Variants in TMEM229B observed in about 807,000 individuals in gnomAD.
TMEM229B encodes the protein chromosome 14 open reading frame 83.
TMEM229B carries 6 observed loss-of-function variants against 13.7 expected under a neutral mutation model. The observed-to-expected ratio is 0.44, with a 90% confidence interval of 0.24 to 0.86. TMEM229B has a LOEUF of 0.86. Among genes scored for constraint, TMEM229B ranks in the 40% least tolerant of loss-of-function variants. The pLI is 0.23. For synonymous variants in TMEM229B, 107 were observed against 102.1 expected (o/e 1.05, Z -0.29); for missense variants, 170 against 236.0 (o/e 0.72, Z 1.83).
At chr14:67,494,966 A>T (rs1023366301) in intron 1 of TMEM229B, among the ~76,000 whole-genome samples, 6 of 152,244 alleles carry the variant, frequency 3.9e-5, no homozygotes, top group African/African-American at 1.4e-4. Context: ...TTTAAAATTA[A>T]ATAAAGCAAA....
upstream of TMEM229B, among the ~76,000 whole-genome samples, chr14:67,490,422 G>A (rs2032120927): frequency 6.6e-6 from 1 of 152,212 alleles, no homozygotes; most frequent in South Asian, 2.1e-4. Flanking sequence ...GGCATCAGGG[G>A]AGATACTGCA....
intron 2 of TMEM229B, among the ~76,000 whole-genome samples, chr14:67,485,794 G>A (rs1185597428): frequency 2.0e-5 from 3 of 152,238 alleles, no homozygotes; most frequent in African/African-American, 4.8e-5. Flanking sequence ...GTGCAGTTAG[G>A]AGCCTCTCAC....
intron 1 of TMEM229B, among the ~76,000 whole-genome samples, chr14:67,496,391 G>GTTTTT (rs555715850): frequency 0.22 from 6,762 of 30,090 alleles, 2,836 homozygotes; most frequent in Non-Finnish European, 0.29. Flanking sequence ...CTGCTCCGGC[G>GTTTTT]TTTTTTTTTT....
At chr14:67,519,613 A>G (rs951211752), upstream of TMEM229B, among the ~76,000 whole-genome samples, 1 of 152,190 alleles carries the variant, frequency 6.6e-6, no homozygotes, top group African/African-American at 2.4e-5. Flanking sequence ...TACTACAAGA[A>G]GGGAAAGGCT....
At chr14:67,483,003 C>CTTTTTTTG (rs1566678116) in intron 2 of TMEM229B, among the ~76,000 whole-genome samples, 1 of 152,106 alleles carries the variant, frequency 6.6e-6, no homozygotes, top group Non-Finnish European at 1.5e-5. Context: ...AGGCTACGTT[C>CTTTTTTTG]TTTTTTTGTT....
upstream of TMEM229B, among the ~76,000 whole-genome samples, chr14:67,492,937 T>C (rs991109458): frequency 6.6e-6 from 1 of 152,088 alleles, no homozygotes; most frequent in Non-Finnish European, 1.5e-5. Context: ...TAAGTTTTAA[T>C]ATTATGCCAT....
chr14:67,487,313 C>T (rs562430639), intron 1 of TMEM229B, 141 bp from the exon 2 acceptor site: 4 of 152,460 alleles, frequency 2.6e-5, no homozygotes, highest in African/African-American at 9.7e-5. Flanking sequence ...CGGAACCTAC[C>T]CCCTCCTCTT....
intron 1 of TMEM229B, among the ~76,000 whole-genome samples, chr14:67,530,424 C>G (rs1028075993): frequency 1.3e-5 from 2 of 152,072 alleles, no homozygotes; most frequent in Non-Finnish European, 2.9e-5. Flanking sequence ...TAGTGCTGTC[C>G]AAGGAACAAG....
upstream of TMEM229B, among the ~76,000 whole-genome samples, chr14:67,519,301 C>T (rs990647539): frequency 1.4e-4 from 22 of 152,148 alleles, no homozygotes; most frequent in African/African-American, 4.8e-4. Flanking sequence ...TCAGATGGCT[C>T]GCATATTTAA....
exon 1 of TMEM229B, chr14:67,533,656 G>T (rs1474783023): frequency 6.6e-6 from 1 of 152,172 alleles, no homozygotes; most frequent in East Asian, 1.9e-4. Flanking sequence ...GGATCGGTCA[G>T]ATCCAGCCGC....
At chr14:67,509,594 C>T (rs1280848405) in intron 1 of TMEM229B, among the ~76,000 whole-genome samples, 1 of 152,210 alleles carries the variant, frequency 6.6e-6, no homozygotes. Flanking sequence ...GCTGGGATTA[C>T]AGGCATGAGC....
chr14:67,474,574 G>A (rs2140038883), intron 2 of TMEM229B, among the ~76,000 whole-genome samples: 1 of 151,894 alleles, frequency 6.6e-6, no homozygotes, highest in Middle Eastern at 3.4e-3. Flanking sequence ...GTGTGTGCAT[G>A]CCATTTTTTA....
At chr14:67,516,182 A>C (rs987822481), upstream of TMEM229B, among the ~76,000 whole-genome samples, 2 of 152,160 alleles carry the variant, frequency 1.3e-5, no homozygotes, top group Admixed American at 6.5e-5. Flanking sequence ...AGTGGGAATG[A>C]CAGCCAGCCC....
chr14:67,483,395 C>G (rs929770987), intron 2 of TMEM229B, among the ~76,000 whole-genome samples: 9 of 152,214 alleles, frequency 5.9e-5, no homozygotes, highest in African/African-American at 2.2e-4. Flanking sequence ...TCCTAATCAG[C>G]ACACTGCACT....
chr14:67,489,992 A>G (rs78983112), upstream of TMEM229B, among the ~76,000 whole-genome samples: 1 of 148,276 alleles, frequency 6.7e-6, no homozygotes. Flanking sequence ...TCCGTCTCAA[A>G]AAAAAAAAAA....
At chr14:67,524,323 C>T (rs551645575) in intron 1 of TMEM229B, among the ~76,000 whole-genome samples, 5 of 152,248 alleles carry the variant, frequency 3.3e-5, no homozygotes, top group Non-Finnish European at 5.9e-5. Flanking sequence ...CAATCCCTGT[C>T]GTAACTGCTA....
At chr14:67,486,109 C>T (rs113144412) in intron 2 of TMEM229B, among the ~76,000 whole-genome samples, 130 of 152,306 alleles carry the variant, frequency 8.5e-4, no homozygotes, top group African/African-American at 3.1e-3. Flanking sequence ...TTCACTCACG[C>T]CAGACAATCT....
At chr14:67,479,317 A>C (rs2031431587) in intron 2 of TMEM229B, among the ~76,000 whole-genome samples, 1 of 151,430 alleles carries the variant, frequency 6.6e-6, no homozygotes, top group African/African-American at 2.4e-5. Flanking sequence ...GAGGCAGAAG[A>C]ATTGCTTGAA....
upstream of TMEM229B, among the ~76,000 whole-genome samples, chr14:67,516,625 C>A (rs2140261169): frequency 8.1e-6 from 1 of 123,386 alleles, no homozygotes; most frequent in South Asian, 2.6e-4. Context: ...CCTGTGTCTT[C>A]CCCTAATTGT....
Sources: allele counts gnomAD v4.1 joint callset (sites outside exome capture counted in the v4.1 genomes callset), GRCh38; gene constraint gnomAD v4.1.1; transcripts MANE v1.5; gene names NCBI Gene and HGNC (gene_info 2026-07-23, HGNC 2026-07-21).